TANC2: variants seen among roughly 807,000 people sequenced by gnomAD.
TANC2 encodes the protein tetratricopeptide repeat, ankyrin repeat and coiled-coil containing 2, also known as protein TANC2.
A neutral mutation model predicts 210.5 loss-of-function variants in TANC2; 26 were observed. That is an observed-to-expected ratio of 0.12 (90% CI 0.09 to 0.17). The LOEUF (loss-of-function observed/expected upper bound fraction) is 0.17, where lower values mean the gene tolerates loss of function less well. Ranked by LOEUF, TANC2 falls within the 10% of genes least tolerant of loss-of-function variation. The pLI, the probability that TANC2 is intolerant of heterozygous loss-of-function variation, is 1.00. For synonymous variants in TANC2, 931 were observed against 967.1 expected, an observed-to-expected ratio of 0.96 and a Z score of 0.69; for missense variants, 2,129 against 2,608.9, an observed-to-expected ratio of 0.82 and a Z score of 4.01.
intron 7 of TANC2, among the ~76,000 whole-genome samples, chr17:63,230,894 A>C (rs2042457534): frequency 6.6e-6 from 1 of 152,180 alleles, no homozygotes; most frequent in African/African-American, 2.4e-5. Context: ...ATTGTGTAGG[A>C]GTCTAAGTCT....
At chr17:63,380,624 T>C (rs1482930476) in intron 15 of TANC2, among the ~76,000 whole-genome samples, 3 of 152,222 alleles carry the variant, frequency 2.0e-5, no homozygotes, top group African/African-American at 7.2e-5. Context: ...CCTACAGCCT[T>C]TTCAGAATTC....
intron 8 of TANC2, among the ~76,000 whole-genome samples, chr17:63,248,751 T>TATTGTTCC (rs1465434044): frequency 1.3e-5 from 2 of 152,106 alleles, no homozygotes; most frequent in Non-Finnish European, 2.9e-5. Context: ...AAACTATATA[T>TATTGTTCC]ATTGTTCCAT....
chr17:63,328,309 C>T (rs1343203979), intron 11 of TANC2, among the ~76,000 whole-genome samples: 2 of 151,860 alleles, frequency 1.3e-5, no homozygotes, highest in East Asian at 1.9e-4. Flanking sequence ...TGCCCATGTA[C>T]TTTCTGAACC....
intron 9 of TANC2, among the ~76,000 whole-genome samples, chr17:63,282,351 A>G (rs1374690122): frequency 6.6e-6 from 1 of 152,124 alleles, no homozygotes; most frequent in African/African-American, 2.4e-5. Context: ...AAGAGATATT[A>G]TATATGCCAG....
chr17:63,046,758 A>T (rs652580), intron 2 of TANC2, among the ~76,000 whole-genome samples: 1 of 152,250 alleles, frequency 6.6e-6, no homozygotes, highest in Non-Finnish European at 1.5e-5. Context: ...ACATTTATGC[A>T]TAACCAGTAA....
At chr17:62,982,200 G>C (rs2032338777) in intron 1 of TANC2, among the ~76,000 whole-genome samples, 1 of 152,068 alleles carries the variant, frequency 6.6e-6, no homozygotes, top group East Asian at 1.9e-4. Flanking sequence ...ACTATTTAGG[G>C]ACCTATCATG....
chr17:63,037,210 A>T (rs1272672181), intron 2 of TANC2, among the ~76,000 whole-genome samples: 2 of 152,284 alleles, frequency 1.3e-5, no homozygotes, highest in East Asian at 3.9e-4. Flanking sequence ...ACTAACGGGC[A>T]TGTAGGGTAT....
At chr17:63,172,135 A>G (rs974694514) in intron 5 of TANC2, among the ~76,000 whole-genome samples, 1 of 152,000 alleles carries the variant, frequency 6.6e-6, no homozygotes, top group Non-Finnish European at 1.5e-5. Context: ...TGGAGAGAAG[A>G]AAGAATTAAA....
chr17:63,058,361 T>C (rs2144499565), intron 2 of TANC2, among the ~76,000 whole-genome samples: 1 of 152,308 alleles, frequency 6.6e-6, no homozygotes, highest in East Asian at 1.9e-4. Flanking sequence ...TTCTCTCCCA[T>C]TATTTAGATT....
chr17:63,229,249 G>A (rs1000944905), intron 7 of TANC2, among the ~76,000 whole-genome samples: 1 of 152,142 alleles, frequency 6.6e-6, no homozygotes, highest in African/African-American at 2.4e-5. Flanking sequence ...TGTGTATGTT[G>A]AACCAGCCTT....
At position 63,347,949 on chromosome 17, in the gene TANC2, G is replaced by A. The variant is rs181457906; in HGVS notation, c.1808-3301G>A. Among the ~76,000 whole-genome samples, 127 of 152,098 alleles carry A rather than the reference G, an allele frequency of 8.3e-4. 2 individuals carry two copies. The highest frequency in any genetic ancestry group is 6.8e-3 in the Middle Eastern group (2 of 294). ...CTTGGCTAATTTTTTTCTATTTTTT[G>A]TAAAGATAGTGTCTCACGATGTTGC... is the stretch of plus-strand genomic sequence containing the variant. On this transcript the variant is annotated intron_variant, in intron 12 of 27. Coordinates refer to ENST00000689528, the Ensembl canonical transcript of TANC2.
chr17:63,387,897 T>C (rs1429859929), intron 15 of TANC2: 1 of 152,234 alleles, frequency 6.6e-6, no homozygotes, highest in Non-Finnish European at 1.5e-5. Flanking sequence ...ATGTAATCAT[T>C]TTGGGATATA....
rs143783207 is a variant in TANC2, at chr17:63,278,626, G to A, written c.1159+10753G>A. On this transcript the variant is annotated intron_variant, in intron 9 of 27. Transcript: ENST00000689528. ...TATGATCCAGCAATCCCACTTCTGG[G>A]TATTTTTCCAAAAGAACTGAAATCA... 1.9e-3 allele frequency among the ~76,000 whole-genome samples: 293 copies of A among 152,192 alleles called. 1 individual carries two copies. The highest frequency in any genetic ancestry group is 6.6e-3 in the African/African-American group (274 of 41,530).
At chr17:63,220,942 A>G (rs1326537440) in intron 7 of TANC2, among the ~76,000 whole-genome samples, 1 of 151,740 alleles carries the variant, frequency 6.6e-6, no homozygotes, top group Non-Finnish European at 1.5e-5. Context: ...CCCACATACA[A>G]AAATTCAACG....
chr17:62,979,331 TTAAAG>T (rs1388623837), intron 1 of TANC2, among the ~76,000 whole-genome samples: 16 of 152,228 alleles, frequency 1.1e-4, no homozygotes, highest in Non-Finnish European at 2.1e-4. Context: ...GTCTTATTCT[TTAAAG>T]TAAAGATCTT....
intron 5 of TANC2, among the ~76,000 whole-genome samples, chr17:63,183,186 A>G (rs2040850420): frequency 6.6e-6 from 1 of 152,228 alleles, no homozygotes; most frequent in Non-Finnish European, 1.5e-5. Flanking sequence ...TTGTACACTT[A>G]ACACCAGCAT....
chr17:63,117,605 A>G (rs935197865), intron 4 of TANC2, among the ~76,000 whole-genome samples: 2 of 152,338 alleles, frequency 1.3e-5, no homozygotes, highest in East Asian at 3.9e-4. Context: ...AACGCACAGT[A>G]AGTTCTGGGC....
intron 13 of TANC2, among the ~76,000 whole-genome samples, chr17:63,353,492 A>T (rs1367310207): frequency 6.6e-6 from 1 of 152,150 alleles, no homozygotes; most frequent in East Asian, 1.9e-4. Flanking sequence ...CCAAATGTAA[A>T]TGTTGAGTAG....
At chr17:63,202,575 G>A (rs2041570594) in intron 7 of TANC2, among the ~76,000 whole-genome samples, 1 of 152,136 alleles carries the variant, frequency 6.6e-6, no homozygotes, top group South Asian at 2.1e-4. Flanking sequence ...CATAAATGGG[G>A]AATGAATGTG....
Sources: gnomAD v4.1 joint callset for allele counts (sites outside exome capture counted in the v4.1 genomes callset) on GRCh38, gnomAD v4.1.1 for gene constraint, MANE v1.5 for transcripts, NCBI Gene and HGNC (gene_info 2026-07-23, HGNC 2026-07-21) for gene names.